PHKA1: variants seen among roughly 807,000 people sequenced by gnomAD.
PHKA1 encodes phosphorylase b kinase regulatory subunit alpha, skeletal muscle isoform.
In PHKA1, 60 loss-of-function variants were observed where a neutral mutation model predicts 110.2. The ratio of observed to expected loss-of-function variants is 0.54; its 90% confidence interval spans 0.44 to 0.68. The LOEUF is 0.68. Ranked by LOEUF, PHKA1 falls within the 30% of genes least tolerant of loss-of-function variation. The pLI is 0.00. For synonymous variants in PHKA1, 316 were observed against 333.6 expected (o/e 0.95, Z 0.58); for missense variants, 801 against 942.5 (o/e 0.85, Z 1.97).
At chrX:72,677,997 A>G (rs782767731) in intron 5 of PHKA1, among the ~76,000 whole-genome samples, 1 of 111,770 alleles carries the variant, frequency 8.9e-6, no homozygotes, top group Non-Finnish European at 1.9e-5. Flanking sequence ...GAAGTAAGCC[A>G]TGATTGCGCC....
intron 2 of PHKA1, chrX:72,712,341 C>G (rs782561053): frequency 6.4e-6 from 1 of 157,480 alleles, no homozygotes; most frequent in African/African-American, 3.1e-5. Flanking sequence ...TTTACTGTGT[C>G]TAGTCCAGAA....
intron 2 of PHKA1, among the ~76,000 whole-genome samples, chrX:72,711,772 T>G (rs1196308811): frequency 1.8e-5 from 2 of 111,025 alleles, no homozygotes; most frequent in African/African-American, 6.6e-5. Context: ...ATAAAAATAA[T>G]GATCTGTACT....
chrX:72,667,004 A>G (rs1363471228), intron 7 of PHKA1, among the ~76,000 whole-genome samples: 1 of 112,421 alleles, frequency 8.9e-6, no homozygotes, highest in East Asian at 2.8e-4. Flanking sequence ...GGAACAAGAG[A>G]ATGTTTCAGA....
chrX:72,696,350 G>T (rs1556327436), intron 3 of PHKA1, among the ~76,000 whole-genome samples: 1 of 112,131 alleles, frequency 8.9e-6, no homozygotes, highest in African/African-American at 3.2e-5. Flanking sequence ...GACACATAGA[G>T]TGAGGGAGTA....
intron 29 of PHKA1, among the ~76,000 whole-genome samples, chrX:72,590,123 T>A (rs782066562): frequency 9.6e-4 from 107 of 111,592 alleles, no homozygotes; most frequent in Admixed American, 1.5e-3. Flanking sequence ...GCCAAGTCAA[T>A]CCTAAGAAAA....
At chrX:72,619,580 G>A (rs782143400) in intron 19 of PHKA1, among the ~76,000 whole-genome samples, 1 of 112,150 alleles carries the variant, frequency 8.9e-6, no homozygotes, top group African/African-American at 3.2e-5. Context: ...ATTAATCCAC[G>A]ATGGTGCGTT....
intron 28 of PHKA1, among the ~76,000 whole-genome samples, chrX:72,599,570 T>C (rs1263436411): frequency 8.9e-6 from 1 of 112,173 alleles, no homozygotes; most frequent in Non-Finnish European, 1.9e-5. Flanking sequence ...CAAGAATTTA[T>C]ACTTAACCAA....
chrX:72,703,288 A>G (rs2054231108), intron 3 of PHKA1, among the ~76,000 whole-genome samples: 1 of 112,271 alleles, frequency 8.9e-6, no homozygotes, highest in African/African-American at 3.2e-5. Context: ...TGAAATTTAA[A>G]TTTGATAATT....
At chrX:72,693,971 A>G (rs2054074114) in intron 4 of PHKA1, among the ~76,000 whole-genome samples, 2 of 111,868 alleles carry the variant, frequency 1.8e-5, no homozygotes, top group Admixed American at 1.9e-4. Flanking sequence ...CCTTCAGACA[A>G]TTTCCAATAA....
chrX:72,704,151 A>T (rs2147839810), intron 3 of PHKA1, among the ~76,000 whole-genome samples: 1 of 111,920 alleles, frequency 8.9e-6, no homozygotes, highest in East Asian at 2.8e-4. Context: ...CAAATTTTCA[A>T]TCTACACATA....
At chrX:72,637,212 T>C (rs1556292302) in intron 14 of PHKA1, among the ~76,000 whole-genome samples, 1 of 112,191 alleles carries the variant, frequency 8.9e-6, no homozygotes, top group African/African-American at 3.2e-5. Context: ...TAAGTAACTT[T>C]TCATGTCCTC....
intron 5 of PHKA1, among the ~76,000 whole-genome samples, chrX:72,677,575 C>A (rs2053793557): frequency 8.9e-6 from 1 of 111,759 alleles, no homozygotes; most frequent in African/African-American, 3.2e-5. Flanking sequence ...GCTGTCCTTT[C>A]TCTCCCATTT....
At chrX:72,691,866 CT>C (rs2054043663) in intron 4 of PHKA1, among the ~76,000 whole-genome samples, 1 of 111,584 alleles carries the variant, frequency 9.0e-6, no homozygotes, top group African/African-American at 3.3e-5. Flanking sequence ...TTTTTATTGG[CT>C]ATTTGCCCTT....
intron 4 of PHKA1, among the ~76,000 whole-genome samples, chrX:72,694,533 C>T: frequency 1.8e-5 from 2 of 112,156 alleles, no homozygotes; most frequent in Non-Finnish European, 3.8e-5. Context: ...ATGGGCAGTA[C>T]CTTTCAAATT....
At chrX:72,663,338 C>G (rs782624037) in intron 8 of PHKA1, among the ~76,000 whole-genome samples, 1 of 106,936 alleles carries the variant, frequency 9.4e-6, no homozygotes, top group African/African-American at 3.4e-5. Context: ...AAAAAAAAAA[C>G]GAATAAAAAA....
chrX:72,657,258 G>GGA (rs2053507569), intron 9 of PHKA1, among the ~76,000 whole-genome samples: 1 of 112,132 alleles, frequency 8.9e-6, no homozygotes, highest in African/African-American at 3.2e-5. Context: ...AAATATTTTG[G>GGA]GAGAGATACT....
intron 28 of PHKA1, among the ~76,000 whole-genome samples, chrX:72,598,458 G>A (rs2052618168): frequency 9.0e-6 from 1 of 111,575 alleles, no homozygotes; most frequent in Admixed American, 9.5e-5. Context: ...TCTTCAGAAT[G>A]CGACACATAG....
intron 16 of PHKA1, among the ~76,000 whole-genome samples, chrX:72,634,137 C>T (rs969537328): frequency 8.9e-6 from 1 of 112,199 alleles, no homozygotes; most frequent in Non-Finnish European, 1.9e-5. Context: ...TATATATTGT[C>T]TTAAGTTGTT....
chrX:72,667,360 T>C lies in PHKA1; in HGVS notation c.717+15A>G, dbSNP rs782182046. The C allele has an allele frequency of 6.0e-6, 7 of 1,160,543 alleles. No homozygotes were observed. Among genetic ancestry groups the C allele is most frequent in the African/African-American group, 1.8e-5 (1 of 56,474 alleles). Reference sequence around the variant, plus strand: ...AGAATAAAATTTGCTATTTCCATTTTCCATAATATTTTACCTGGCAGTGCT... The same window carrying C: ...AGAATAAAATTTGCTATTTCCATTTCCCATAATATTTTACCTGGCAGTGCT... On this transcript the variant is annotated intron_variant, in intron 7 of 31. Transcript: ENST00000373542.
Sources: allele counts gnomAD v4.1 joint callset (sites outside exome capture counted in the v4.1 genomes callset), GRCh38; gene constraint gnomAD v4.1.1; transcripts MANE v1.5; gene names NCBI Gene and HGNC (gene_info 2026-07-23, HGNC 2026-07-21).